TENM4: variants seen among roughly 807,000 people sequenced by gnomAD.
TENM4 encodes the protein teneurin-4.
Under a neutral mutation model 243.3 loss-of-function variants are expected in TENM4, and 82 were observed. That is an observed-to-expected ratio of 0.34 (90% confidence interval 0.28 to 0.40). The LOEUF is 0.40. TENM4 is among the 10% of genes least tolerant of loss of function. The pLI, the probability that TENM4 is intolerant of heterozygous loss-of-function variation, is 1.00. For missense variants in TENM4, 3,138 were observed against 3,673.3 expected (o/e 0.85, Z 3.77); for synonymous variants, 1,412 against 1,456.3 (o/e 0.97, Z 0.69).
intron 2 of TENM4, among the ~76,000 whole-genome samples, chr11:79,242,342 C>T (rs551883991): frequency 6.6e-6 from 1 of 151,694 alleles, no homozygotes; most frequent in South Asian, 2.1e-4. Flanking sequence ...TAAATAAATA[C>T]CCAACACCGA....
intron 3 of TENM4, among the ~76,000 whole-genome samples, chr11:79,177,648 A>G (rs1863191760): frequency 6.6e-6 from 1 of 152,126 alleles, no homozygotes; most frequent in South Asian, 2.1e-4. Context: ...TTAGGGCGGG[A>G]ATGTCTCTCT....
rs17137280 is a variant in TENM4, at chr11:78,859,506, A to G, written c.1256-3328T>C. ...GTCTATAAAAGAAATTTCTTAATGA[A>G]TTGCTAAAATGGATAGCTCAGTCAA... is the stretch of plus-strand genomic sequence containing the variant. On this transcript the variant is annotated intron_variant, in intron 10 of 33. Transcript: ENST00000278550. 8.4e-3 allele frequency among the ~76,000 whole-genome samples: 1,287 copies of G among 152,330 alleles called. 45 individuals are homozygous for G. In the East Asian group the frequency reaches 0.088, roughly 10 times the overall value.
At chr11:78,932,090 A>G (rs960790355) in intron 6 of TENM4, among the ~76,000 whole-genome samples, 7 of 152,226 alleles carry the variant, frequency 4.6e-5, no homozygotes, top group Non-Finnish European at 8.8e-5. Context: ...GGCACATGGT[A>G]AACACTTGAT....
intron 6 of TENM4, among the ~76,000 whole-genome samples, chr11:79,041,615 T>A: frequency 6.6e-6 from 1 of 152,238 alleles, no homozygotes; most frequent in Non-Finnish European, 1.5e-5. Flanking sequence ...GTTTACAATT[T>A]ACAACATCCA....
chr11:78,773,637 A>G (rs1205947229), intron 17 of TENM4, among the ~76,000 whole-genome samples: 1 of 152,186 alleles, frequency 6.6e-6, no homozygotes, highest in Non-Finnish European at 1.5e-5. Flanking sequence ...GTCTCTTGCA[A>G]TTACTCAACT....
intron 6 of TENM4, among the ~76,000 whole-genome samples, chr11:79,029,685 GAATCTT>G (rs993760313): frequency 5.3e-5 from 8 of 152,152 alleles, no homozygotes; most frequent in Non-Finnish European, 1.0e-4. Flanking sequence ...TTCGCAGTTG[GAATCTT>G]AATTCAGAAA....
At chr11:78,771,530 T>C (rs1054680568) in intron 17 of TENM4, among the ~76,000 whole-genome samples, 2 of 152,240 alleles carry the variant, frequency 1.3e-5, no homozygotes, top group African/African-American at 2.4e-5. Flanking sequence ...GTTCCTCTTA[T>C]CTCTGGCGGC....
At chr11:79,325,385 G>A (rs1377215879) in intron 1 of TENM4, among the ~76,000 whole-genome samples, 1 of 152,158 alleles carries the variant, frequency 6.6e-6, no homozygotes, top group Non-Finnish European at 1.5e-5. Context: ...TATGGAATTA[G>A]AACTCACAGC....
intron 6 of TENM4, among the ~76,000 whole-genome samples, chr11:79,035,568 C>A (rs1206144459): frequency 1.3e-5 from 2 of 151,202 alleles, no homozygotes; most frequent in Non-Finnish European, 2.9e-5. Context: ...GAAAACAAAG[C>A]AAGACAAAAT....
intron 3 of TENM4, among the ~76,000 whole-genome samples, chr11:79,167,404 A>G (rs1432250434): frequency 1.3e-5 from 2 of 152,244 alleles, no homozygotes; most frequent in Non-Finnish European, 2.9e-5. Context: ...TCTGCACCAG[A>G]GAATATTCTA....
intron 1 of TENM4, among the ~76,000 whole-genome samples, chr11:79,394,501 AGT>A (rs1858301180): frequency 6.6e-6 from 1 of 152,228 alleles, no homozygotes. Context: ...CCTTAGGGTT[AGT>A]GTGAGAATTT....
At chr11:78,923,595 T>C (rs1283072033) in intron 6 of TENM4, among the ~76,000 whole-genome samples, 1 of 151,432 alleles carries the variant, frequency 6.6e-6, no homozygotes, top group Non-Finnish European at 1.5e-5. Context: ...TGGAGTGTAG[T>C]GGTGCAATTT....
intron 2 of TENM4, among the ~76,000 whole-genome samples, chr11:79,256,285 C>T (rs937028461): frequency 5.9e-5 from 9 of 152,322 alleles, no homozygotes; most frequent in Admixed American, 1.3e-4. Flanking sequence ...GCTATCTCAC[C>T]GGCTTTCTGA....
intron 6 of TENM4, among the ~76,000 whole-genome samples, chr11:78,972,142 T>C (rs892012074): frequency 3.9e-5 from 6 of 152,222 alleles, no homozygotes; most frequent in African/African-American, 1.4e-4. Context: ...ATAAATGTTA[T>C]TTTTAACAGA....
At chr11:79,313,765 G>T (rs963302741) in intron 1 of TENM4, among the ~76,000 whole-genome samples, 3 of 152,118 alleles carry the variant, frequency 2.0e-5, no homozygotes, top group Non-Finnish European at 2.9e-5. Context: ...GTTTCCCTCC[G>T]CAAGCAGGCA....
intron 19 of TENM4, among the ~76,000 whole-genome samples, 172 bp downstream of exon 19, chr11:78,756,633 A>G (rs1298051131): frequency 6.6e-6 from 1 of 152,210 alleles, no homozygotes; most frequent in Non-Finnish European, 1.5e-5. Flanking sequence ...GAGTAGTTTT[A>G]TAAATGTAGG....
intron 23 of TENM4, among the ~76,000 whole-genome samples, chr11:78,724,119 T>C (rs1855461479): frequency 6.6e-6 from 1 of 151,786 alleles, no homozygotes; most frequent in Non-Finnish European, 1.5e-5. Context: ...GGTCTCACTC[T>C]GTTGCCCAGG....
chr11:79,376,214 C>T (rs1230900093), intron 1 of TENM4, among the ~76,000 whole-genome samples: 1 of 152,192 alleles, frequency 6.6e-6, no homozygotes, highest in East Asian at 1.9e-4. Flanking sequence ...GCTGTCCCTT[C>T]TCCTTTGGTG....
intron 1 of TENM4, among the ~76,000 whole-genome samples, chr11:79,332,405 A>C (rs1363912983): frequency 6.6e-6 from 1 of 152,208 alleles, no homozygotes; most frequent in Admixed American, 6.5e-5. Context: ...TGGCCAGGTG[A>C]AAATGAGGGC....
Sources: gnomAD v4.1 joint callset for allele counts (sites outside exome capture counted in the v4.1 genomes callset) on GRCh38, gnomAD v4.1.1 for gene constraint, MANE v1.5 for transcripts, NCBI Gene and HGNC (gene_info 2026-07-23, HGNC 2026-07-21) for gene names.